Variants in DSCAML1 observed in about 807,000 individuals in gnomAD.
DSCAML1 encodes cell adhesion molecule DSCAML1.
Under a neutral mutation model 200.5 loss-of-function variants are expected in DSCAML1, and 38 were observed. The ratio of observed to expected loss-of-function variants is 0.19; its 90% confidence interval spans 0.15 to 0.25. DSCAML1 has a LOEUF of 0.25. Ranked by LOEUF, DSCAML1 falls within the 10% of genes least tolerant of loss-of-function variation. The pLI, the probability that DSCAML1 is intolerant of heterozygous loss-of-function variation, is 1.00. For synonymous variants in DSCAML1, 1,215 were observed against 1,165.0 expected (o/e 1.04, Z -0.87); for missense variants, 2,223 against 2,858.8 (o/e 0.78, Z 5.07).
chr11:117,776,053 G>T (rs7119967), intron 3 of DSCAML1, among the ~76,000 whole-genome samples: 1 of 152,040 alleles, frequency 6.6e-6, no homozygotes, highest in South Asian at 2.1e-4. Flanking sequence ...GAAAAATCCC[G>T]CAGTTTTGTA....
chr11:117,756,691 G>C (rs1330016601), intron 3 of DSCAML1, among the ~76,000 whole-genome samples: 1 of 152,108 alleles, frequency 6.6e-6, no homozygotes, highest in Non-Finnish European at 1.5e-5. Flanking sequence ...AAAAGCCAGT[G>C]ATCAGAAAGA....
chr11:117,468,782 G>GTGTGAT (rs1315217775), intron 16 of DSCAML1, among the ~76,000 whole-genome samples: 8 of 152,368 alleles, frequency 5.3e-5, no homozygotes, highest in Non-Finnish European at 1.5e-5. Flanking sequence ...GTGAGTGTGA[G>GTGTGAT]TGTGCGTGCA....
Position 117,797,084 on chromosome 11 carries a change from T to C in DSCAML1, c.-5A>G. 6.3e-7 allele frequency: 1 copy of C among 1,583,132 alleles called. No homozygotes were observed. The highest frequency in any genetic ancestry group is 8.6e-7 in the Non-Finnish European group (1 of 1,165,564). ...GAGGAAAGTTACCAGCCACATGCCA[T>C]AAAGAGGCCCTATTCTCCGGGGAGG... On this transcript the variant is annotated 5_prime_UTR_variant, in exon 1 of 33. An upstream start codon of the reference 5' UTR is lost. Coordinates refer to ENST00000651296, the MANE Select transcript of DSCAML1 (RefSeq NM_020693.4).
chr11:117,479,556 T>G (rs1441357339), intron 14 of DSCAML1, among the ~76,000 whole-genome samples: 3 of 152,144 alleles, frequency 2.0e-5, no homozygotes, highest in African/African-American at 7.2e-5. Context: ...TCTCCCCAGA[T>G]GCGGGGTGCC....
intron 17 of DSCAML1, among the ~76,000 whole-genome samples, chr11:117,462,270 C>T (rs1343733957): frequency 6.6e-6 from 1 of 152,162 alleles, no homozygotes; most frequent in Non-Finnish European, 1.5e-5. Flanking sequence ...TCTCTGAGAC[C>T]AGCTTAGGTG....
chr11:117,793,256 C>T (rs942547565), intron 1 of DSCAML1, among the ~76,000 whole-genome samples: 1 of 152,116 alleles, frequency 6.6e-6, no homozygotes, highest in Non-Finnish European at 1.5e-5. Context: ...CCGCTAGAAT[C>T]GACTGGGCTG....
intron 3 of DSCAML1, among the ~76,000 whole-genome samples, chr11:117,651,335 G>C (rs1203438572): frequency 1.3e-5 from 2 of 152,236 alleles, no homozygotes; most frequent in Non-Finnish European, 2.9e-5. Flanking sequence ...GACTCCAACA[G>C]GCTGTGCTCC....
At chr11:117,795,759 C>T (rs959895682) in intron 1 of DSCAML1, among the ~76,000 whole-genome samples, 2 of 152,200 alleles carry the variant, frequency 1.3e-5, no homozygotes, top group Admixed American at 6.5e-5. Flanking sequence ...TCGCAGTGGG[C>T]TCCGGCAGGC....
chr11:117,810,521 C>T (rs1194055944), intron 1 of DSCAML1, among the ~76,000 whole-genome samples: 1 of 152,150 alleles, frequency 6.6e-6, no homozygotes, highest in African/African-American at 2.4e-5. Context: ...CGTATCTCTA[C>T]TCTTTTCTCT....
chr11:117,796,930 G>A, intron 1 of DSCAML1, 104 bp downstream of exon 1: 2 of 839,900 alleles, frequency 2.4e-6, no homozygotes, highest in Non-Finnish European at 1.6e-6. Flanking sequence ...CACCCCGGTC[G>A]GTTCCCCCAC....
chr11:117,721,589 T>C (rs1361848433), intron 3 of DSCAML1, among the ~76,000 whole-genome samples: 2 of 150,692 alleles, frequency 1.3e-5, no homozygotes, highest in Non-Finnish European at 3.0e-5. Context: ...TGTTTAAAAC[T>C]CGTCATGTTC....
chr11:117,789,376 A>T (rs888090479), intron 1 of DSCAML1, among the ~76,000 whole-genome samples: 1 of 152,212 alleles, frequency 6.6e-6, no homozygotes, highest in African/African-American at 2.4e-5. Context: ...CAGACAGCAC[A>T]GTTGTCCCCA....
In DSCAML1 at chr11:117,505,748, GGTGCTGCCGTCAGGACCCT is replaced by G. The variant is rs1197092249; in HGVS notation, c.1784-35_1784-17del. ...AGAGGGGGCACTGGGAAGGCAAGCG[GGTGCTGCCGTCAGGACCCT>G]GTGCATTCTCACCTGGCCGCCAACG... On this transcript the variant is annotated splice_polypyrimidine_tract_variant and intron_variant, in intron 8 of 32. Coordinates refer to ENST00000651296, the MANE Select transcript of DSCAML1 (RefSeq NM_020693.4). This position sits in a 1 kb window ranked among gnomAD's most constrained non-coding sequence, Gnocchi z 6.7. The G allele has an allele frequency of 6.2e-7, 1 of 1,601,554 alleles. No homozygotes were observed.
At chr11:117,470,043 A>G (rs949301833) in intron 15 of DSCAML1, 63 bp from the exon 16 acceptor site, 16 of 1,450,520 alleles carry the variant, frequency 1.1e-5, no homozygotes, top group African/African-American at 8.4e-5. Context: ...AAGGGGTTCT[A>G]TGTTCCCACT....
chr11:117,500,112 C>T (rs1200948570), intron 11 of DSCAML1, among the ~76,000 whole-genome samples: 1 of 152,252 alleles, frequency 6.6e-6, no homozygotes, highest in African/African-American at 2.4e-5. Context: ...GTTTCTGCAT[C>T]CCTGGAAGGG....
At chr11:117,801,803 C>T (rs1378149214), upstream of DSCAML1, 1 of 152,280 alleles carries the variant, frequency 6.6e-6, no homozygotes, top group African/African-American at 2.4e-5. Flanking sequence ...CTTGTTCAGG[C>T]TGCTGTCTCA....
At chr11:117,573,213 G>A (rs1784788849) in intron 3 of DSCAML1, among the ~76,000 whole-genome samples, 1 of 152,208 alleles carries the variant, frequency 6.6e-6, no homozygotes, top group African/African-American at 2.4e-5. Flanking sequence ...CAGATCATAC[G>A]CAGAGTACGC....
intron 32 of DSCAML1, 99 bp downstream of exon 32, chr11:117,430,623 C>T (rs2047766757): frequency 7.1e-7 from 1 of 1,399,090 alleles, no homozygotes. Context: ...GCTGGGCTGG[C>T]ATGATCCTGG....
intron 3 of DSCAML1, among the ~76,000 whole-genome samples, chr11:117,547,348 A>T (rs4084228): frequency 2.7e-4 from 41 of 151,992 alleles, no homozygotes; most frequent in South Asian, 8.3e-4. Flanking sequence ...ACAGAACCCC[A>T]GTAGCTGCAC....
Sources: allele counts gnomAD v4.1 joint callset (sites outside exome capture counted in the v4.1 genomes callset), GRCh38; gene constraint gnomAD v4.1.1; non-coding constraint Gnocchi (gnomAD v3.1); transcripts MANE v1.5; gene names NCBI Gene and HGNC (gene_info 2026-07-23, HGNC 2026-07-21).